ZFPM2: variants seen among roughly 807,000 people sequenced by gnomAD.
ZFPM2 encodes the protein zinc finger protein ZFPM2.
A neutral mutation model predicts 98.6 loss-of-function variants in ZFPM2; 20 were observed. That is an observed-to-expected ratio of 0.20 (90% CI 0.14 to 0.29). ZFPM2 has a LOEUF of 0.29. Among genes scored for constraint, ZFPM2 ranks in the 10% least tolerant of loss-of-function variants. The pLI, the probability that ZFPM2 is intolerant of heterozygous loss-of-function variation, is 1.00. For synonymous variants in ZFPM2, 518 were observed against 502.7 expected, an observed-to-expected ratio of 1.03 and a Z score of -0.41; for missense variants, 1,310 against 1,388.6, an observed-to-expected ratio of 0.94 and a Z score of 0.90.
chr8:105,559,749 AAAG>A (rs1281558673), intron 3 of ZFPM2, among the ~76,000 whole-genome samples: 6 of 152,176 alleles, frequency 3.9e-5, no homozygotes, highest in Non-Finnish European at 8.8e-5. Context: ...ATAGAGAAAT[AAAG>A]AAGAGATAGA....
chr8:105,409,395 G>T (rs1158797136), intron 1 of ZFPM2, among the ~76,000 whole-genome samples: 1 of 151,874 alleles, frequency 6.6e-6, no homozygotes, highest in Non-Finnish European at 1.5e-5. Context: ...GTGGCTACAG[G>T]TCTATTCTGT....
intron 4 of ZFPM2, among the ~76,000 whole-genome samples, chr8:105,593,104 T>C (rs1286548234): frequency 1.3e-5 from 2 of 152,122 alleles, no homozygotes; most frequent in Non-Finnish European, 2.9e-5. Flanking sequence ...GTTTAGGATA[T>C]CGAGACCCCT....
chr8:105,529,329 A>T (rs907523671), intron 3 of ZFPM2, among the ~76,000 whole-genome samples: 1 of 152,108 alleles, frequency 6.6e-6, no homozygotes, highest in Non-Finnish European at 1.5e-5. Context: ...TTAGGATTTC[A>T]TATGCATTTT....
intron 1 of ZFPM2, among the ~76,000 whole-genome samples, chr8:105,332,888 A>G (rs1812258322): frequency 6.6e-6 from 1 of 151,728 alleles, no homozygotes; most frequent in African/African-American, 2.4e-5. Flanking sequence ...AGATGAAACT[A>G]TGTGAGTGAC....
intron 5 of ZFPM2, among the ~76,000 whole-genome samples, chr8:105,636,571 G>A (rs1324844757): frequency 6.6e-6 from 1 of 152,112 alleles, no homozygotes; most frequent in Non-Finnish European, 1.5e-5. Context: ...GTGATGGCTT[G>A]CCTCTTTAAT....
intron 3 of ZFPM2, among the ~76,000 whole-genome samples, chr8:105,464,180 A>C (rs544491018): frequency 6.6e-6 from 1 of 152,164 alleles, no homozygotes; most frequent in Non-Finnish European, 1.5e-5. Flanking sequence ...TGGCCCATCC[A>C]GAACAGCTCA....
In ZFPM2 at chr8:105,664,372, G is replaced by A. The variant is rs180671925; in HGVS notation, c.532+30015G>A. Among the ~76,000 whole-genome samples the A allele has an allele frequency of 6.7e-3, 969 of 143,596 alleles. 7 individuals carry two copies. The highest frequency in any genetic ancestry group is 8.5e-3 in the Non-Finnish European group (563 of 66,062). 94.2% of individuals were successfully genotyped at this position (143,596 alleles called of 152,430 possible). On this transcript the variant is annotated intron_variant, in intron 5 of 7. Transcript: ENST00000407775. ...GTGTGTGTGTGTGTGACAGAGTTTC[G>A]TTCTTGTTGCCCAGGCTGGAGTGCA...
At chr8:105,368,892 G>C (rs1397358343) in intron 1 of ZFPM2, among the ~76,000 whole-genome samples, 2 of 152,132 alleles carry the variant, frequency 1.3e-5, no homozygotes, top group Non-Finnish European at 2.9e-5. Context: ...TGCTTAGCTT[G>C]AGGTGATGTG....
intron 3 of ZFPM2, among the ~76,000 whole-genome samples, chr8:105,497,757 G>A (rs1813504732): frequency 6.6e-6 from 1 of 152,130 alleles, no homozygotes; most frequent in Non-Finnish European, 1.5e-5. Context: ...GCGGTAGTGA[G>A]AAGAACTTTG....
intron 3 of ZFPM2, among the ~76,000 whole-genome samples, chr8:105,511,627 A>C (rs1421080564): frequency 6.6e-6 from 1 of 152,244 alleles, no homozygotes; most frequent in African/African-American, 2.4e-5. Flanking sequence ...TTTTTGAATC[A>C]TATTGGATGA....
chr8:105,345,162 T>G (rs1812495975), intron 1 of ZFPM2, among the ~76,000 whole-genome samples: 1 of 152,082 alleles, frequency 6.6e-6, no homozygotes, highest in African/African-American at 2.4e-5. Context: ...AGTAAGCTCA[T>G]TTTGGTATCA....
At chr8:105,687,331 T>C (rs1399864984) in intron 5 of ZFPM2, among the ~76,000 whole-genome samples, 1 of 152,194 alleles carries the variant, frequency 6.6e-6, no homozygotes, top group Admixed American at 6.5e-5. Flanking sequence ...ACTATTAGAC[T>C]GCTTAAAATG....
chr8:105,492,790 G>A (rs890948150), intron 3 of ZFPM2, among the ~76,000 whole-genome samples: 2 of 152,030 alleles, frequency 1.3e-5, no homozygotes, highest in Non-Finnish European at 2.9e-5. Flanking sequence ...CTTCTGTTCT[G>A]ATTTTAATGT....
intron 3 of ZFPM2, among the ~76,000 whole-genome samples, chr8:105,476,332 G>A (rs1226231391): frequency 6.6e-6 from 1 of 152,142 alleles, no homozygotes; most frequent in African/African-American, 2.4e-5. Flanking sequence ...TCAGATCAGC[G>A]ACAGCATTAG....
chr8:105,663,314 T>A (rs1212416513), intron 5 of ZFPM2, among the ~76,000 whole-genome samples: 2 of 152,200 alleles, frequency 1.3e-5, no homozygotes, highest in Non-Finnish European at 2.9e-5. Flanking sequence ...GTGATTGGGA[T>A]GTGGATAGTA....
chr8:105,396,223 T>A (rs754318467), intron 1 of ZFPM2, among the ~76,000 whole-genome samples: 3 of 152,156 alleles, frequency 2.0e-5, no homozygotes, highest in Admixed American at 6.5e-5. Flanking sequence ...GGGGGTGGCA[T>A]TCACATAACA....
At chr8:105,383,728 G>A (rs1325660614) in intron 1 of ZFPM2, among the ~76,000 whole-genome samples, 1 of 152,000 alleles carries the variant, frequency 6.6e-6, no homozygotes, top group South Asian at 2.1e-4. Flanking sequence ...TGCTATTTTA[G>A]CCTTGTTTAC....
At chr8:105,615,937 G>C (rs1388024358) in intron 4 of ZFPM2, among the ~76,000 whole-genome samples, 1 of 152,054 alleles carries the variant, frequency 6.6e-6, no homozygotes, top group East Asian at 1.9e-4. Flanking sequence ...AGTCATGGGG[G>C]ATTTTGCTTT....
At chr8:105,578,664 G>C (rs1563727817) in intron 4 of ZFPM2, among the ~76,000 whole-genome samples, 1 of 151,966 alleles carries the variant, frequency 6.6e-6, no homozygotes, top group African/African-American at 2.4e-5. Context: ...ACTTCACCTG[G>C]ATATTAATAT....
Sources: gnomAD v4.1 joint callset for allele counts (sites outside exome capture counted in the v4.1 genomes callset) on GRCh38, gnomAD v4.1.1 for gene constraint, MANE v1.5 for transcripts, NCBI Gene and HGNC (gene_info 2026-07-23, HGNC 2026-07-21) for gene names.